The following LAMA5 variants were observed in gnomAD, a reference collection of about 807,000 sequenced individuals.
LAMA5 encodes laminin subunit alpha 5.
Under a neutral mutation model 433.4 loss-of-function variants are expected in LAMA5, and 260 were observed. The observed-to-expected ratio is 0.60, with a 90% CI of 0.54 to 0.66. The LOEUF (loss-of-function observed/expected upper bound fraction) is 0.66. Ranked by LOEUF, LAMA5 falls within the 30% of genes least tolerant of loss-of-function variation. LAMA5 has a pLI of 0.00. For synonymous variants in LAMA5, 2,620 were observed against 2,226.6 expected (o/e 1.18, Z -4.97); for missense variants, 5,378 against 5,258.5 (o/e 1.02, Z -0.70).
chr20:62,316,280 C>T (rs1331322804), intron 57 of LAMA5: 1 of 588,284 alleles, frequency 1.7e-6, no homozygotes. Context: ...CATAGCTGTC[C>T]CCATTGTACA....
At position 62,310,951 on chromosome 20, in the gene LAMA5, C is replaced by A. The variant is rs375971941; in HGVS notation, c.10232G>T (p.Arg3411Leu). ...GCGCTGGCGGCTCTGGGCGCGGAGC[C>A]GAGTCCCGAGGCCTTCCATCTGTGC... The part of the protein sequence containing the change: ...FVAQMEGLGT[R>L]LRAQSRQRSR... Residue 3411 changes from arginine (R) to leucine (L), a missense_variant, in exon 74 of 80, where the codon CGG (arginine) becomes CTG (leucine). Physicochemically the swap from Arg to Leu is moderately radical, Grantham distance 102. Transcript: ENST00000252999. 1.2e-6 allele frequency: 2 copies of A among 1,611,372 alleles called. No individual in the cohort carries two copies. The highest frequency in any genetic ancestry group is 1.3e-5 in the African/African-American group (1 of 75,028).
chr20:62,346,761 T>A lies in LAMA5; in HGVS notation c.1112A>T (p.Asp371Val), dbSNP rs1983443034. 1 of 1,612,582 alleles carries A rather than the reference T, an allele frequency of 6.2e-7. No individual in the cohort carries two copies. The highest frequency in any genetic ancestry group is 8.5e-7 in the Non-Finnish European group (1 of 1,179,780). Residue 371 changes from aspartate (D) to valine (V), a missense_variant, in exon 8 of 80, where the codon GAC (aspartate) becomes GTC (valine). Transcript: ENST00000252999. ...GGCGCGGCGCCGGTCCACCTCAGGG[T>A]CGTAGTAACAGTCGGTGGCATGGCC... ...CYGHATDCYYDPEVDRRRASQ... is the reference protein window; with the variant it reads ...CYGHATDCYYVPEVDRRRASQ...
intron 6 of LAMA5, chr20:62,351,025 G>C (rs755286365): frequency 6.5e-6 from 1 of 153,948 alleles, no homozygotes; most frequent in Non-Finnish European, 1.4e-5. Context: ...GGAATGTGCC[G>C]GTGCCAGCAC....
intron 23 of LAMA5, 36 bp downstream of exon 23, chr20:62,333,865 G>T: frequency 1.3e-6 from 2 of 1,515,304 alleles, no homozygotes; most frequent in Non-Finnish European, 1.8e-6. Flanking sequence ...GGCTGGGCTG[G>T]TGGGGCAGGG....
At chr20:62,325,015 G>A (rs1979003085) in intron 41 of LAMA5, 1 of 379,134 alleles carries the variant, frequency 2.6e-6, no homozygotes, top group Non-Finnish European at 4.9e-6. Flanking sequence ...ATGGTCGGTG[G>A]GGGATGTCCA....
rs1490201208 is a variant in LAMA5 at position 62,367,304 on chromosome 20, G to A, written c.-59C>T. The A allele has an allele frequency of 1.8e-6, 2 of 1,114,302 alleles. No individual in the cohort carries two copies. Among genetic ancestry groups the A allele is most frequent in the African/African-American group, 1.7e-5 (1 of 60,344 alleles). 69.0% of individuals were successfully genotyped at this position (1,114,302 alleles called of 1,614,324 possible). On this transcript the variant is annotated 5_prime_UTR_variant, in exon 1 of 80. Coordinates refer to ENST00000252999, the MANE Select transcript of LAMA5 (RefSeq NM_005560.6). ...GGGACAGCGCGCGCGGCGGGAGCCC[G>A]GCGGGTCTGAAGCCAGGCGGCCGGC...
chr20:62,310,887 C>T lies in LAMA5; in HGVS notation c.10281+15G>A. The T allele has an allele frequency of 6.2e-7, 1 of 1,608,526 alleles. No homozygotes were observed. The highest frequency in any genetic ancestry group is 8.5e-7 in the Non-Finnish European group (1 of 1,178,418). On this transcript the variant is annotated intron_variant, in intron 74 of 79. Coordinates refer to ENST00000252999, the MANE Select transcript of LAMA5 (RefSeq NM_005560.6). ...CCAGGCCCTGCCCACCACCTTCCTT[C>T]TTCTCGGCCCTCACCTTGTGCCAGC...
rs753333891 is a variant in LAMA5, at chr20:62,320,758, G to A, written c.6629C>T (p.Ala2210Val). 2.5e-6 allele frequency: 4 copies of A among 1,612,686 alleles called. No individual in the cohort carries two copies. The highest frequency in any genetic ancestry group is 2.2e-5 in the East Asian group (1 of 44,886). The stretch of plus-strand genomic sequence containing the variant: ...CAGTACCTGCAGGTCAGCGATGGAG[G>A]CGTTCAGCCTGTGCAGACGGGCCCA... ...MAWARLHRLN[A>V]SIADLQSQLR... is the part of the protein sequence containing the mutation. Residue 2210 changes from alanine (A) to valine (V), a missense_variant, in exon 49 of 80, where the codon GCC becomes GTC. Coordinates refer to ENST00000252999, the MANE Select transcript of LAMA5 (RefSeq NM_005560.6).
rs760831446 is a variant in LAMA5, at chr20:62,338,496, C to A, written c.1590G>T (p.Ala530=). Residue 530 remains alanine (A), a synonymous_variant, in exon 12 of 80, where the codon GCG becomes GCT. Transcript: ENST00000252999. ...GGCAGCCGGGGCCGTAGAACCCTGG[C>A]GCGCAGAGCTCACAATGGGTGCCTT... ...NFQGTHCELC[A]PGFYGPGCQP... is the part of the protein sequence containing the mutation. 1.9e-6 allele frequency: 3 copies of A among 1,608,754 alleles called. No homozygotes were observed. Among genetic ancestry groups the A allele is most frequent in the South Asian group, 2.2e-5 (2 of 90,100 alleles).
chr20:62,336,507 G>A, intron 17 of LAMA5, 62 bp from the exon 18 acceptor site: 1 of 1,416,048 alleles, frequency 7.1e-7, no homozygotes. Flanking sequence ...ACAAACCATA[G>A]AGCCATAGAG....
In LAMA5 at chr20:62,333,107, T is replaced by A. The variant is rs748766155; in HGVS notation, c.3265A>T (p.Thr1089Ser). Residue 1089 changes from threonine to serine, a missense_variant, in exon 26 of 80, where the codon ACC (threonine) becomes TCC (serine). Coordinates refer to ENST00000252999, the MANE Select transcript of LAMA5 (RefSeq NM_005560.6). ...QLSPSHPPLI[T>S]CTGSDVDVQL... ...ACACGCACATCACTGCCCGTGCAGG[T>A]GATCAGTGGCGGGTGCGACGGGCTG... 95 of 1,506,126 alleles carry A rather than the reference T, an allele frequency of 6.3e-5. No homozygotes were observed. The South Asian group carries it at 1.2e-3, about 19-fold the overall frequency. The allele number at this position is 1,506,126 out of a possible 1,614,324, so 93.3% of individuals were successfully genotyped here. A position where few individuals can be genotyped will look rare whatever the true frequency, so the allele number is the denominator to read the frequency against.
At chr20:62,328,742 G>A (rs984228516) in intron 34 of LAMA5, 102 bp downstream of exon 34, 2 of 1,192,420 alleles carry the variant, frequency 1.7e-6, no homozygotes, top group East Asian at 5.1e-5. Context: ...GCCCTGCCAG[G>A]CTCTAGAACA....
Position 62,311,487 on chromosome 20 carries a change from C to T in LAMA5, c.9856G>A (p.Val3286Ile), listed in dbSNP as rs771870780. 29 of 1,610,476 alleles carry T rather than the reference C, an allele frequency of 1.8e-5. No individual in the cohort carries two copies. In the East Asian group the frequency reaches 2.0e-4, roughly 11 times the overall value. ...VFDLQQNLGS[V>I]NVSTGCAPAL... ...GGTGCACAGCCCGTGCTCACATTGA[C>T]GCTGCCCAGGTTCTGCTGCAGATCA... Residue 3286 changes from valine (V) to isoleucine (I), a missense_variant, in exon 72 of 80, where the codon GTC becomes ATC. Coordinates refer to ENST00000252999, the MANE Select transcript of LAMA5 (RefSeq NM_005560.6).
chr20:62,336,195 C>A (rs1379237276), intron 18 of LAMA5, 145 bp downstream of exon 18: 16 of 604,690 alleles, frequency 2.6e-5, no homozygotes, highest in Non-Finnish European at 4.1e-5. Context: ...CCCGAGGAAC[C>A]CCATATCCCA....
At position 62,315,185 on chromosome 20, in the gene LAMA5, T is replaced by G. The variant is rs1427042628; in HGVS notation, c.7890A>C (p.Ala2630=). The stretch of plus-strand genomic sequence containing the variant: ...CTTCAGCAGCCACAGCCTTGGCATG[T>G]GCGATCTTCTTGCTTGTCTCGTCTG... ...MDTDETSKKI[A]HAKAVAAEAQ... Residue 2630 remains alanine, a synonymous_variant, in exon 59 of 80, where the codon GCA becomes GCC. Coordinates refer to ENST00000252999, the MANE Select transcript of LAMA5 (RefSeq NM_005560.6). 1.2e-6 allele frequency: 2 copies of G among 1,609,340 alleles called. No individual in the cohort carries two copies. Among genetic ancestry groups the G allele is most frequent in the Admixed American group, 3.3e-5 (2 of 59,776 alleles).
chr20:62,353,207 G>A lies in LAMA5; in HGVS notation c.495C>T (p.Pro165=). 2 of 1,590,754 alleles carry A rather than the reference G, an allele frequency of 1.3e-6. No individual in the cohort carries two copies. The highest frequency in any genetic ancestry group is 1.7e-6 in the Non-Finnish European group (2 of 1,169,386). Residue 165 remains proline, a synonymous_variant, in exon 3 of 80, where the codon CCC becomes CCT. Coordinates refer to ENST00000252999, the MANE Select transcript of LAMA5 (RefSeq NM_005560.6). ...AYVLIKFANS[P]RPDLWVLERS... is the part of the protein sequence containing the mutation. ...GCTCCAGCACCCAGAGGTCCGGCCG[G>A]GGTGAGTTGGCAAACTTGATGAGGA...
chr20:62,309,914 C>G lies in LAMA5; in HGVS notation c.10828+74G>C, dbSNP rs1372816071. 4.2e-5 allele frequency: 68 copies of G among 1,606,022 alleles called. 1 individual carries two copies. The highest frequency in any genetic ancestry group is 2.5e-6 in the Non-Finnish European group (3 of 1,178,188). On this transcript the variant is annotated intron_variant, in intron 78 of 79. Transcript: ENST00000252999. ...CAGCCCCAAAAGAAGCCACCCCACC[C>G]AGAGTCCCGCCTGGCTCCCGCTCTG...
intron 6 of LAMA5, among the ~76,000 whole-genome samples, chr20:62,350,720 C>T (rs1005631473): frequency 1.3e-5 from 2 of 152,184 alleles, no homozygotes; most frequent in African/African-American, 4.8e-5. Flanking sequence ...TTCTGTCCAG[C>T]CCCATGCCTG....
Position 62,362,428 on chromosome 20 carries a change from T to A in LAMA5, c.422A>T (p.Glu141Val), listed in dbSNP as rs747598901. ...GCCCAGGTCCAGGGTGACGTTGACCTCGTTGTACTCCAGGCCGCGGGACAG... is the reference window on the plus strand; with the variant it reads ...GCCCAGGTCCAGGGTGACGTTGACCACGTTGTACTCCAGGCCGCGGGACAG... ...PPLSRGLEYN[E>V]VNVTLDLGQV... The change falls in exon 2 of 80, where the codon GAG (glutamate) becomes GTG (valine). Residue 141 changes from glutamate (E) to valine (V), a missense_variant. Glu to Val is a moderately radical substitution (Grantham distance 121, BLOSUM62 -2). Coordinates refer to ENST00000252999, the MANE Select transcript of LAMA5 (RefSeq NM_005560.6). The A allele has an allele frequency of 4.4e-6, 7 of 1,575,592 alleles. No individual in the cohort carries two copies. Among genetic ancestry groups the A allele is most frequent in the Non-Finnish European group, 6.1e-6 (7 of 1,156,196 alleles).
Sources: gnomAD v4.1 joint callset for allele counts (sites outside exome capture counted in the v4.1 genomes callset) on GRCh38, gnomAD v4.1.1 for gene constraint, MANE v1.5 for transcripts, NCBI Gene and HGNC (gene_info 2026-07-23, HGNC 2026-07-21) for gene names.